Variants in FBN3 observed in about 807,000 individuals in gnomAD.
FBN3 encodes fibrillin 3, also known as fibrillin-3.
FBN3 carries 234 observed loss-of-function variants against 330.1 expected under a neutral mutation model. That is an observed-to-expected ratio of 0.71 (90% CI 0.64 to 0.79). FBN3 has a LOEUF of 0.79. Ranked by LOEUF, FBN3 falls within the 30% of genes least tolerant of loss-of-function variation. The probability of loss-of-function intolerance (pLI) is 0.00; values close to 1 mark genes in which losing one functional copy is unlikely to be tolerated. For synonymous variants in FBN3, 1,458 were observed against 1,517.3 expected (o/e 0.96, Z 0.91); for missense variants, 3,606 against 3,886.9 (o/e 0.93, Z 1.92).
At position 8,126,747 on chromosome 19, in the gene FBN3, G is replaced by A; in HGVS notation, c.2382C>T (p.Gly794=). ...AGGTACCAGAGGGGTCCAGCCGGCT[G>A]CCAGGGCCACATTTGCAGGTGTAGG... ...AGSYTCKCGP[G]SRLDPSGTFC... Residue 794 remains glycine (G), a synonymous_variant, in exon 19 of 64, where the codon GGC becomes GGT. Transcript: ENST00000600128. The A allele has an allele frequency of 6.3e-7, 1 of 1,590,610 alleles. No individual in the cohort carries two copies. The highest frequency in any genetic ancestry group is 8.6e-7 in the Non-Finnish European group (1 of 1,169,520).
At chr19:8,132,496 T>A (rs888467585) in intron 14 of FBN3, among the ~76,000 whole-genome samples, 1 of 151,474 alleles carries the variant, frequency 6.6e-6, no homozygotes, top group Non-Finnish European at 1.5e-5. Context: ...ATGCATCACT[T>A]TTTTTTTCTT....
At chr19:8,089,832 C>A in intron 50 of FBN3, 62 bp downstream of exon 50, 1 of 1,537,018 alleles carries the variant, frequency 6.5e-7, no homozygotes, top group Non-Finnish European at 8.8e-7. Context: ...GAGACCCAGG[C>A]AGTGCGGAGA....
chr19:8,147,602 G>A (rs892828596), intron 1 of FBN3, 105 bp from the exon 2 acceptor site: 30 of 991,128 alleles, frequency 3.0e-5, no homozygotes, highest in South Asian at 1.3e-4. Flanking sequence ...GGGCAGCCCC[G>A]GGGCCTCTGG....
At chr19:8,093,076 GAA>G (rs34410808) in intron 47 of FBN3, among the ~76,000 whole-genome samples, 4 of 151,022 alleles carry the variant, frequency 2.6e-5, no homozygotes, top group Non-Finnish European at 5.9e-5. Flanking sequence ...AGAAAAAATA[GAA>G]AAAAAAAATT....
chr19:8,067,023 A>G (rs1008389415), intron 63 of FBN3, among the ~76,000 whole-genome samples: 2 of 151,986 alleles, frequency 1.3e-5, no homozygotes, highest in African/African-American at 4.8e-5. Flanking sequence ...CTCAATCTAA[A>G]AAAATAGGAT....
intron 38 of FBN3, among the ~76,000 whole-genome samples, chr19:8,104,117 C>T (rs1839195325): frequency 7.1e-6 from 1 of 141,438 alleles, no homozygotes; most frequent in African/African-American, 2.7e-5. Flanking sequence ...GAATGAGATC[C>T]TGGCTCTAAA....
rs375142247 is a variant in FBN3, at chr19:8,131,845, C to A, written c.1715-16G>T. 8 of 1,564,376 alleles carry A rather than the reference C, an allele frequency of 5.1e-6. No individual in the cohort carries two copies. The highest frequency in any genetic ancestry group is 1.3e-5 in the African/African-American group (1 of 74,156). ...TCGTCAATGTCTGCAGAAGCAGTGG[C>A]GGCACGGGGATGGGTTCCAGCGTGC... On this transcript the variant is annotated splice_polypyrimidine_tract_variant and intron_variant, in intron 14 of 63. Transcript: ENST00000600128. The surrounding 1 kb of genome is among the most constrained non-coding windows in gnomAD (Gnocchi z 4.5).
At chr19:8,134,960 AAT>A (rs1184221135) in intron 13 of FBN3, among the ~76,000 whole-genome samples, 1 of 148,144 alleles carries the variant, frequency 6.8e-6, no homozygotes, top group Non-Finnish European at 1.5e-5. Context: ...AATAAATATA[AAT>A]ATATATATTT....
intron 63 of FBN3, among the ~76,000 whole-genome samples, chr19:8,067,129 C>CTTTTT (rs1029572620): frequency 7.4e-6 from 1 of 135,222 alleles, no homozygotes; most frequent in Non-Finnish European, 1.6e-5. Context: ...TCTTCTTTTT[C>CTTTTT]TTTTTTTTTT....
At chr19:8,101,193 C>T (rs1049858572) in intron 40 of FBN3, among the ~76,000 whole-genome samples, 3 of 152,114 alleles carry the variant, frequency 2.0e-5, no homozygotes, top group Non-Finnish European at 2.9e-5. Flanking sequence ...GGTGCAATCA[C>T]GGCTCACTGC....
At chr19:8,107,245 G>A (rs1160285610) in intron 37 of FBN3, among the ~76,000 whole-genome samples, 10 of 149,964 alleles carry the variant, frequency 6.7e-5, no homozygotes, top group Admixed American at 6.0e-4. Flanking sequence ...ATGGATGGAA[G>A]GATGGGTGGA....
chr19:8,106,003 T>C, intron 38 of FBN3, 105 bp downstream of exon 38: 4 of 1,402,192 alleles, frequency 2.9e-6, no homozygotes, highest in South Asian at 1.3e-5. Flanking sequence ...GGCAGAAGCC[T>C]TTCCATGAGG....
In FBN3 at chr19:8,089,880, G is replaced by C; in HGVS notation, c.6250+14C>G. The stretch of plus-strand genomic sequence containing the variant: ...GCCCAGAAGGGGCTCTTAGCATGTG[G>C]GTGAGGGGCTCACCTTCTCGGGAGT... On this transcript the variant is annotated intron_variant, in intron 50 of 63. Transcript: ENST00000600128. The C allele has an allele frequency of 6.3e-7, 1 of 1,588,524 alleles. No homozygotes were observed. Among genetic ancestry groups the C allele is most frequent in the South Asian group, 1.1e-5 (1 of 88,068 alleles).
intron 18 of FBN3, 66 bp downstream of exon 18, chr19:8,128,962 G>T (rs942203650): frequency 6.5e-7 from 1 of 1,548,862 alleles, no homozygotes; most frequent in Non-Finnish European, 8.7e-7. Flanking sequence ...GCGTGCACAC[G>T]CCACATGCCA....
Position 8,097,328 on chromosome 19 carries a change from C to A in FBN3, c.5248G>T (p.Ala1750Ser), listed in dbSNP as rs140079479. ...QIGSFRCECP[A>S]GFNYNSILLA... ...AGGATGCTGTTGTAGTTGAAGCCTG[C>A]GGGGCACTCGCAGCGGAAACTCCCG... The change falls in exon 42 of 64, where the codon GCA becomes TCA. Residue 1750 changes from alanine to serine, a missense_variant. By Grantham distance (99) the Ala-to-Ser change is moderately conservative. Coordinates refer to ENST00000600128, the MANE Select transcript of FBN3 (RefSeq NM_032447.5). The A allele has an allele frequency of 2.5e-6, 4 of 1,609,624 alleles. No individual in the cohort carries two copies. The highest frequency in any genetic ancestry group is 2.2e-5 in the East Asian group (1 of 44,710).
chr19:8,090,637 C>T (rs1466327223), intron 48 of FBN3, among the ~76,000 whole-genome samples: 1 of 152,098 alleles, frequency 6.6e-6, no homozygotes, highest in East Asian at 1.9e-4. Context: ...GCATGTGCCA[C>T]CACACCCGGC....
Position 8,096,326 on chromosome 19 carries a change from G to T in FBN3, c.5539+118C>A. The T allele has an allele frequency of 7.7e-7, 1 of 1,294,098 alleles. No individual in the cohort carries two copies. Among genetic ancestry groups the T allele is most frequent in the Non-Finnish European group, 1.1e-6 (1 of 947,278 alleles). 80.2% of individuals were successfully genotyped at this position (1,294,098 alleles called of 1,614,324 possible). A position where few individuals can be genotyped will look rare whatever the true frequency, so the allele number is the denominator to read the frequency against. On this transcript the variant is annotated intron_variant, in intron 44 of 63. Transcript: ENST00000600128. The surrounding 1 kb of genome is among the most constrained non-coding windows in gnomAD (Gnocchi z 4.6). ...CATTTACCCAAGATCTTAATCTCAG[G>T]ACCCAAACTTGGATCTCTTTGTGAA...
rs752953589 is a variant in FBN3, at chr19:8,096,108, C to G, written c.5540-28G>C. ...GCAGAAGCAAAGCCGAGAGCCCAAC[C>G]CAGCTCACCCAGGGCATTGGGGAAC... On this transcript the variant is annotated intron_variant, in intron 44 of 63. Coordinates refer to ENST00000600128, the MANE Select transcript of FBN3 (RefSeq NM_032447.5). This position sits in a 1 kb window ranked among gnomAD's most constrained non-coding sequence, Gnocchi z 4.6. 3.9e-6 allele frequency: 6 copies of G among 1,552,358 alleles called. No homozygotes were observed.
rs1185785063 is a variant in FBN3, at chr19:8,116,574, G to A, written c.3712+100C>T. On this transcript the variant is annotated intron_variant, in intron 29 of 63. Coordinates refer to ENST00000600128, the MANE Select transcript of FBN3 (RefSeq NM_032447.5). Reference sequence around the variant, plus strand: ...CCTGCGAATGGCAGGGGTGGGGCCTGGCATTTTTCATGCCTATGTGCCACC... The same window carrying A: ...CCTGCGAATGGCAGGGGTGGGGCCTAGCATTTTTCATGCCTATGTGCCACC... 3.1e-6 allele frequency: 4 copies of A among 1,281,070 alleles called. No individual in the cohort carries two copies. The East Asian group carries it at 9.4e-5, about 30-fold the overall frequency. 79.4% of individuals were successfully genotyped at this position (1,281,070 alleles called of 1,614,324 possible). A position where few individuals can be genotyped will look rare whatever the true frequency, so the allele number is the denominator to read the frequency against.
Sources: allele counts gnomAD v4.1 joint callset (sites outside exome capture counted in the v4.1 genomes callset), GRCh38; gene constraint gnomAD v4.1.1; non-coding constraint Gnocchi (gnomAD v3.1); transcripts MANE v1.5; gene names NCBI Gene and HGNC (gene_info 2026-07-23, HGNC 2026-07-21).